Variants in TSPYL2 observed in about 807,000 individuals in gnomAD.
TSPYL2 encodes the protein TSPY like 2, also known as testis-specific Y-encoded-like protein 2.
A neutral mutation model predicts 33.0 loss-of-function variants in TSPYL2; 9 were observed. The ratio of observed to expected loss-of-function variants is 0.27; its 90% confidence interval spans 0.16 to 0.48. The LOEUF (loss-of-function observed/expected upper bound fraction) is 0.48. Ranked by LOEUF, TSPYL2 falls within the 20% of genes least tolerant of loss-of-function variation. The pLI is 0.99. For synonymous variants in TSPYL2, 330 were observed against 233.6 expected, an observed-to-expected ratio of 1.41 and a Z score of -3.77; for missense variants, 636 against 586.2, an observed-to-expected ratio of 1.08 and a Z score of -0.88.
intron 1 of TSPYL2, among the ~76,000 whole-genome samples, chrX:53,083,906 T>A (rs1331101095): frequency 1.8e-5 from 2 of 111,078 alleles, no homozygotes; most frequent in African/African-American, 3.3e-5. Flanking sequence ...GAAAAAGGAG[T>A]TAAATGAAGG....
chrX:53,087,847 G>A lies in TSPYL2; in HGVS notation c.1990G>A (p.Glu664Lys), dbSNP rs150975914. ...GGAAGGAAGTGAAGATGTCTGGGAAGAAGGGGAAGATTCGGACGACTCTGA... is the reference window on the plus strand; with the variant it reads ...GGAAGGAAGTGAAGATGTCTGGGAAAAAGGGGAAGATTCGGACGACTCTGA... ...EEEGSEDVWE[E>K]GEDSDDSDLE... The change falls in exon 7 of 7, where the codon GAA becomes AAA. Residue 664 changes from glutamate (E) to lysine (K), a missense_variant. Coordinates refer to ENST00000375442, the MANE Select transcript of TSPYL2 (RefSeq NM_022117.4). 695 of 1,210,462 alleles carry A rather than the reference G, an allele frequency of 5.7e-4. 4 individuals carry two copies. Among genetic ancestry groups the A allele is most frequent in the Non-Finnish European group, 1.2e-4 (107 of 895,078 alleles).
In TSPYL2 at chrX:53,085,895, C is replaced by G; in HGVS notation, c.1503C>G (p.Asp501Glu). 1 of 1,211,253 alleles carries G rather than the reference C, an allele frequency of 8.3e-7. No individual in the cohort carries two copies. Among genetic ancestry groups the G allele is most frequent in the Non-Finnish European group, 1.1e-6 (1 of 895,378 alleles). ...CTGATAACAACGAGAGTGCTGATGA[C>G]CACGAAACCACTGACAACAATGAGA... ...ETTDNNESAD[D>E]HETTDNNESA... Residue 501 changes from aspartate to glutamate, a missense_variant, in exon 6 of 7, where the codon GAC (aspartate) becomes GAG (glutamate). Physicochemically the swap from Asp to Glu is conservative, Grantham distance 45. This residue lies in a region of TSPYL2 where 401 missense variants were observed against 363.0 expected (regional missense o/e 1.10). Coordinates refer to ENST00000375442, the MANE Select transcript of TSPYL2 (RefSeq NM_022117.4).
chrX:53,085,506 C>T, intron 5 of TSPYL2, 125 bp from the exon 6 acceptor site: 3 of 803,414 alleles, frequency 3.7e-6, no homozygotes, highest in South Asian at 5.3e-5. Context: ...TGGGACTTTA[C>T]CCACCCTAGC....
In TSPYL2 at chrX:53,082,810, G is replaced by T; in HGVS notation, c.312G>T (p.Gly104=). The T allele has an allele frequency of 2.5e-6, 3 of 1,201,618 alleles. No individual in the cohort carries two copies. The highest frequency in any genetic ancestry group is 3.4e-6 in the Non-Finnish European group (3 of 890,983). The change falls in exon 1 of 7, where the codon GGG becomes GGT. Residue 104 remains glycine (G), a synonymous_variant. Coordinates refer to ENST00000375442, the MANE Select transcript of TSPYL2 (RefSeq NM_022117.4). ...CPGWDSTIES[G]YGEAPPPTES... The stretch of plus-strand genomic sequence containing the variant: ...GCTGGGATTCTACCATCGAGTCGGG[G>T]TATGGGGAGGCGCCCCCGCCCACGG...
In TSPYL2 at chrX:53,084,875, C is replaced by T. The variant is rs1932724436; in HGVS notation, c.997+9C>T. 3 of 1,208,447 alleles carry T rather than the reference C, an allele frequency of 2.5e-6. No homozygotes were observed. Among genetic ancestry groups the T allele is most frequent in the Non-Finnish European group, 3.4e-6 (3 of 892,781 alleles). On this transcript the variant is annotated intron_variant, in intron 3 of 6. Coordinates refer to ENST00000375442, the MANE Select transcript of TSPYL2 (RefSeq NM_022117.4). ...CCAGCGCAACCGCTCAGGTAAGTGG[C>T]AGTACCAGAGTAAATCCATGTTCCC... is the stretch of plus-strand genomic sequence containing the variant.
rs782652162 is a variant in TSPYL2, at chrX:53,085,302, A to C, written c.1219A>C (p.Lys407Gln). The part of the protein sequence containing the change: ...RERGSRIKRK[K>Q]QEMKKRKTRG... ...AAGGGGCTCCAGGATAAAGAGAAAGAAGCAAGAAATGAAGAAACGGTAATG... is the reference window on the plus strand; with the variant it reads ...AAGGGGCTCCAGGATAAAGAGAAAGCAGCAAGAAATGAAGAAACGGTAATG... Residue 407 changes from lysine to glutamine, a missense_variant, in exon 5 of 7, where the codon AAG becomes CAG. Physicochemically the swap from Lys to Gln is moderately conservative, Grantham distance 53. This residue lies in a region of TSPYL2 where 401 missense variants were observed against 363.0 expected (regional missense o/e 1.10). Coordinates refer to ENST00000375442, the MANE Select transcript of TSPYL2 (RefSeq NM_022117.4). 10 of 1,208,010 alleles carry C rather than the reference A, an allele frequency of 8.3e-6. No homozygotes were observed. Among genetic ancestry groups the C allele is most frequent in the Admixed American group, 2.2e-5 (1 of 45,207 alleles).
rs781793525 is a variant in TSPYL2, at chrX:53,082,748, A to C, written c.250A>C (p.Ile84Leu). 3 of 1,175,324 alleles carry C rather than the reference A, an allele frequency of 2.6e-6. No individual in the cohort carries two copies. Among genetic ancestry groups the C allele is most frequent in the Non-Finnish European group, 3.4e-6 (3 of 879,839 alleles). ...CTATGTCATTCTCGAGGAGGGGGGGATCCGCGCATACTTCACGCTCGGTGC... is the reference window on the plus strand; with the variant it reads ...CTATGTCATTCTCGAGGAGGGGGGGCTCCGCGCATACTTCACGCTCGGTGC... Reference protein sequence around the residue: ...PPYVILEEGGIRAYFTLGAEC... With the variant: ...PPYVILEEGGLRAYFTLGAEC... The change falls in exon 1 of 7, where the codon ATC becomes CTC. Residue 84 changes from isoleucine (I) to leucine (L), a missense_variant. By Grantham distance (5) the Ile-to-Leu change is conservative (BLOSUM62 2). Coordinates refer to ENST00000375442, the MANE Select transcript of TSPYL2 (RefSeq NM_022117.4).
Position 53,082,659 on chromosome X carries a change from C to T in TSPYL2, c.161C>T (p.Ala54Val). 2 of 1,155,275 alleles carry T rather than the reference C, an allele frequency of 1.7e-6. No homozygotes were observed. Among genetic ancestry groups the T allele is most frequent in the Non-Finnish European group, 2.3e-6 (2 of 869,628 alleles). The change falls in exon 1 of 7, where the codon GCG becomes GTG. Residue 54 changes from alanine to valine, a missense_variant. By Grantham distance (64) the Ala-to-Val change is moderately conservative (BLOSUM62 0). Around this residue, in one of 3 missense-constraint regions of TSPYL2, gnomAD observed 231 missense variants for 201.6 expected, o/e 1.15. Coordinates refer to ENST00000375442, the MANE Select transcript of TSPYL2 (RefSeq NM_022117.4). Reference sequence around the variant, plus strand: ...CCGAGGCTCCAGGAGGAAACGGAGGCGGCACAGGTGCTGGCCGATATGAGG... The same window carrying T: ...CCGAGGCTCCAGGAGGAAACGGAGGTGGCACAGGTGCTGGCCGATATGAGG... ...QRPRLQEETEAAQVLADMRGV... is the reference protein window; with the variant it reads ...QRPRLQEETEVAQVLADMRGV...
At position 53,082,779 on chromosome X, in the gene TSPYL2, G is replaced by A; in HGVS notation, c.281G>A (p.Cys94Tyr). The change falls in exon 1 of 7, where the codon TGT becomes TAT. Residue 94 changes from cysteine to tyrosine, a missense_variant. Coordinates refer to ENST00000375442, the MANE Select transcript of TSPYL2 (RefSeq NM_022117.4). ...GCATACTTCACGCTCGGTGCTGAGT[G>A]TCCCGGCTGGGATTCTACCATCGAG... ...IRAYFTLGAECPGWDSTIESG... is the reference protein window; with the variant it reads ...IRAYFTLGAEYPGWDSTIESG... 1 of 1,196,385 alleles carries A rather than the reference G, an allele frequency of 8.4e-7. No homozygotes were observed. Among genetic ancestry groups the A allele is most frequent in the Non-Finnish European group, 1.1e-6 (1 of 889,101 alleles).
In TSPYL2 at chrX:53,085,915, A is replaced by G; in HGVS notation, c.1523A>G (p.Asn508Ser). The change falls in exon 6 of 7, where the codon AAT (asparagine) becomes AGT (serine). Residue 508 changes from asparagine (N) to serine (S), a missense_variant. Coordinates refer to ENST00000375442, the MANE Select transcript of TSPYL2 (RefSeq NM_022117.4). ...SADDHETTDN[N>S]ESADDNNENP... ...GATGACCACGAAACCACTGACAACA[A>G]TGAGAGTGCAGATGACAACAACGAG... 8.3e-7 allele frequency: 1 copy of G among 1,210,899 alleles called. No individual in the cohort carries two copies. Among genetic ancestry groups the G allele is most frequent in the Non-Finnish European group, 1.1e-6 (1 of 895,048 alleles).
At chrX:53,083,498 G>C (rs138354853) in intron 1 of TSPYL2, among the ~76,000 whole-genome samples, 193 bp downstream of exon 1, 1 of 107,164 alleles carries the variant, frequency 9.3e-6, no homozygotes, top group African/African-American at 3.4e-5. Context: ...CTGGACTGGA[G>C]ATGATGAAGG....
chrX:53,085,456 GC>G, intron 5 of TSPYL2, 135 bp downstream of exon 5: 1 of 747,563 alleles, frequency 1.3e-6, no homozygotes. Flanking sequence ...GGGAAATCAT[GC>G]CCAGAAATGG....
At chrX:53,084,387 G>A in intron 1 of TSPYL2, 158 bp from the exon 2 acceptor site, 1 of 447,780 alleles carries the variant, frequency 2.2e-6, no homozygotes, top group Middle Eastern at 4.3e-4. Flanking sequence ...ATGGGAATAA[G>A]TATGGGTTAT....
At chrX:53,087,720 T>C (rs1310019941) in intron 6 of TSPYL2, 56 bp from the exon 7 acceptor site, 2 of 1,134,511 alleles carry the variant, frequency 1.8e-6, no homozygotes, top group Non-Finnish European at 2.4e-6. Flanking sequence ...GTGACACCTA[T>C]CTGCTCATCT....
At chrX:53,087,177 C>G (rs1342830545) in intron 6 of TSPYL2, 1 of 111,860 alleles carries the variant, frequency 8.9e-6, no homozygotes, top group African/African-American at 3.3e-5. Flanking sequence ...TGGCAAACTT[C>G]CATTGAGGGC....
intron 2 of TSPYL2, 30 bp downstream of exon 2, chrX:53,084,652 A>C (rs782426665): frequency 8.4e-7 from 1 of 1,197,199 alleles, no homozygotes; most frequent in Non-Finnish European, 1.1e-6. Context: ...TTTTAGTAGG[A>C]TCGGGCACGA....
In TSPYL2 at chrX:53,082,804, G is replaced by A; in HGVS notation, c.306G>A (p.Glu102=). The A allele has an allele frequency of 8.3e-7, 1 of 1,199,878 alleles. No individual in the cohort carries two copies. The highest frequency in any genetic ancestry group is 1.8e-5 in the South Asian group (1 of 55,606). The stretch of plus-strand genomic sequence containing the variant: ...GTCCCGGCTGGGATTCTACCATCGA[G>A]TCGGGGTATGGGGAGGCGCCCCCGC... ...AECPGWDSTI[E]SGYGEAPPPT... The change falls in exon 1 of 7, where the codon GAG becomes GAA. Residue 102 remains glutamate, a synonymous_variant. Transcript: ENST00000375442.
At position 53,088,072 on chromosome X, in the gene TSPYL2, G is replaced by A; in HGVS notation, c.*133G>A. On this transcript the variant is annotated 3_prime_UTR_variant, in exon 7 of 7. Transcript: ENST00000375442. ...GACCGACTTCGTACACGGGTTTAAA[G>A]TTTATTTTTATGGTTTAGTCATTGC... is the stretch of plus-strand genomic sequence containing the variant. The A allele has an allele frequency of 1.7e-6, 1 of 586,980 alleles. No individual in the cohort carries two copies. The highest frequency in any genetic ancestry group is 5.5e-4 in the Middle Eastern group (1 of 1,817). 48.4% of individuals were successfully genotyped at this position (586,980 alleles called of 1,213,427 possible).
rs782428066 is a variant in TSPYL2, at chrX:53,083,017, G to A, written c.519G>A (p.Glu173=). ...AGGAAGAGGCGATCATCATAGTGGA[G>A]GATGAGGATGAGGATGAGCGGGAGA... ...KSKEEAIIIV[E]DEDEDERESM... Residue 173 remains glutamate, a synonymous_variant, in exon 1 of 7, where the codon GAG becomes GAA. Transcript: ENST00000375442. 3 of 1,205,949 alleles carry A rather than the reference G, an allele frequency of 2.5e-6. No individual in the cohort carries two copies. Among genetic ancestry groups the A allele is most frequent in the Non-Finnish European group, 3.4e-6 (3 of 892,290 alleles).
Sources: allele counts gnomAD v4.1 joint callset (sites outside exome capture counted in the v4.1 genomes callset), GRCh38; gene constraint gnomAD v4.1.1; regional missense constraint gnomAD v4.1.1; transcripts MANE v1.5; gene names NCBI Gene and HGNC (gene_info 2026-07-23, HGNC 2026-07-21).